The following DPP10 variants were observed in gnomAD, a reference collection of about 807,000 sequenced individuals.
The protein encoded by DPP10 is inactive dipeptidyl peptidase 10.
A neutral mutation model predicts 120.9 loss-of-function variants in DPP10; 33 were observed. That is an observed-to-expected ratio of 0.27 (90% CI 0.21 to 0.37). DPP10 has a LOEUF of 0.37. Among genes scored for constraint, DPP10 ranks in the 10% least tolerant of loss-of-function variants. DPP10 has a pLI of 1.00. For synonymous variants in DPP10, 337 were observed against 326.1 expected (o/e 1.03, Z -0.36); for missense variants, 816 against 942.8 (o/e 0.87, Z 1.76).
intron 7 of DPP10, among the ~76,000 whole-genome samples, chr2:115,701,664 A>G (rs967190495): frequency 6.6e-6 from 1 of 152,094 alleles, no homozygotes; most frequent in Non-Finnish European, 1.5e-5. Flanking sequence ...TAAAAAGGCA[A>G]CATGTGGAAT....
At chr2:114,503,317 C>G (rs192978333) in intron 1 of DPP10, among the ~76,000 whole-genome samples, 1 of 152,258 alleles carries the variant, frequency 6.6e-6, no homozygotes, top group East Asian at 1.9e-4. Flanking sequence ...TTAAAAATGA[C>G]TGGAAAAGTG....
At chr2:114,598,513 A>G (rs1692109182) in intron 1 of DPP10, among the ~76,000 whole-genome samples, 1 of 151,902 alleles carries the variant, frequency 6.6e-6, no homozygotes, top group South Asian at 2.1e-4. Context: ...AAGAATGCCA[A>G]CACTTAATAA....
intron 1 of DPP10, among the ~76,000 whole-genome samples, chr2:115,216,295 A>G (rs2056815110): frequency 6.6e-6 from 1 of 152,114 alleles, no homozygotes; most frequent in African/African-American, 2.4e-5. Flanking sequence ...CACACCCTGA[A>G]TCTATAACAG....
At chr2:115,836,388 C>T in intron 22 of DPP10, 119 bp from the exon 23 acceptor site, 2 of 1,415,774 alleles carry the variant, frequency 1.4e-6, no homozygotes, top group African/African-American at 2.9e-5. Flanking sequence ...TTATCTCCTC[C>T]TTGATTCAGC....
At chr2:115,742,901 A>G (rs1358614433) in intron 9 of DPP10, among the ~76,000 whole-genome samples, 2 of 152,068 alleles carry the variant, frequency 1.3e-5, no homozygotes, top group Non-Finnish European at 2.9e-5. Flanking sequence ...TTTGTATTTT[A>G]CTTAATTCAG....
At chr2:114,839,746 G>A (rs1688010471) in intron 1 of DPP10, among the ~76,000 whole-genome samples, 1 of 151,934 alleles carries the variant, frequency 6.6e-6, no homozygotes. Context: ...GTCAATTTTA[G>A]GACTGTGAGG....
At chr2:115,377,043 T>A (rs1308032929) in intron 3 of DPP10, among the ~76,000 whole-genome samples, 1 of 151,444 alleles carries the variant, frequency 6.6e-6, no homozygotes, top group Non-Finnish European at 1.5e-5. Context: ...GCAGCATGAT[T>A]TATAGTCCTT....
intron 1 of DPP10, among the ~76,000 whole-genome samples, chr2:114,918,947 AAAAG>A (rs1695002316): frequency 6.6e-6 from 1 of 152,104 alleles, no homozygotes; most frequent in Admixed American, 6.6e-5. Flanking sequence ...GAACCTAAAA[AAAAG>A]AAAGAGTTGG....
At chr2:114,757,014 A>T (rs1430981155) in intron 1 of DPP10, among the ~76,000 whole-genome samples, 1 of 152,012 alleles carries the variant, frequency 6.6e-6, no homozygotes, top group East Asian at 1.9e-4. Context: ...CGCTCACAAC[A>T]TATCAAGTCT....
chr2:115,773,082 A>C (rs2149831443), intron 13 of DPP10, among the ~76,000 whole-genome samples: 1 of 152,282 alleles, frequency 6.6e-6, no homozygotes, highest in South Asian at 2.1e-4. Context: ...TCAACCCAGT[A>C]AAATTTTTGC....
At chr2:114,461,880 C>G in intron 1 of DPP10, 1 of 985,346 alleles carries the variant, frequency 1.0e-6, no homozygotes, top group Non-Finnish European at 1.2e-6. Context: ...GAAAAAGAGA[C>G]AGGTGGAGAG....
At chr2:114,619,679 C>G (rs1020520549) in intron 1 of DPP10, among the ~76,000 whole-genome samples, 13 of 152,080 alleles carry the variant, frequency 8.5e-5, no homozygotes, top group African/African-American at 3.1e-4. Context: ...TCTACCACAT[C>G]AGGTCTATGA....
chr2:115,120,261 AG>A (rs955208632), intron 1 of DPP10, among the ~76,000 whole-genome samples: 10 of 152,174 alleles, frequency 6.6e-5, no homozygotes, highest in African/African-American at 2.4e-4. Context: ...TCCTATGAGA[AG>A]GGGGGTTAAT....
At chr2:115,477,480 T>C (rs1468586778) in intron 3 of DPP10, among the ~76,000 whole-genome samples, 2 of 152,106 alleles carry the variant, frequency 1.3e-5, no homozygotes, top group Non-Finnish European at 2.9e-5. Flanking sequence ...TACAAAAAGC[T>C]ACAAAGCATT....
chr2:114,447,034 ATTTTT>A (rs3981301), intron 1 of DPP10, among the ~76,000 whole-genome samples: 4 of 138,364 alleles, frequency 2.9e-5, no homozygotes, highest in Non-Finnish European at 4.6e-5. Flanking sequence ...TGGTTGTTAA[ATTTTT>A]TTTTTTTTTT....
At chr2:114,606,299 A>G (rs1395350923) in intron 1 of DPP10, among the ~76,000 whole-genome samples, 1 of 152,116 alleles carries the variant, frequency 6.6e-6, no homozygotes, top group Non-Finnish European at 1.5e-5. Context: ...TAGGACTCAG[A>G]CTGGTCCTTG....
chr2:114,755,014 G>A (rs1369567238), intron 1 of DPP10, among the ~76,000 whole-genome samples: 1 of 152,162 alleles, frequency 6.6e-6, no homozygotes, highest in Non-Finnish European at 1.5e-5. Context: ...TATGAAGACA[G>A]AACAACTTAA....
intron 5 of DPP10, among the ~76,000 whole-genome samples, chr2:115,664,372 T>C (rs2089270608): frequency 6.6e-6 from 1 of 152,126 alleles, no homozygotes; most frequent in Non-Finnish European, 1.5e-5. Flanking sequence ...AAAATTTTTA[T>C]CCTCTGGAAA....
chr2:115,404,115 T>A (rs1259825549), intron 3 of DPP10, among the ~76,000 whole-genome samples: 2 of 152,090 alleles, frequency 1.3e-5, no homozygotes, highest in African/African-American at 4.8e-5. Context: ...GAAAAGAGGT[T>A]TAATGGGTTC....
Sources: gnomAD v4.1 joint callset for allele counts (sites outside exome capture counted in the v4.1 genomes callset) on GRCh38, gnomAD v4.1.1 for gene constraint, MANE v1.5 for transcripts, NCBI Gene and HGNC (gene_info 2026-07-23, HGNC 2026-07-21) for gene names.